Variants in TET1 observed in about 807,000 individuals in gnomAD.
The protein encoded by TET1 is tet methylcytosine dioxygenase 1.
TET1 carries 13 observed loss-of-function variants against 148.7 expected under a neutral mutation model. The observed-to-expected ratio is 0.09, with a 90% CI of 0.06 to 0.14. The LOEUF is 0.14. Among genes scored for constraint, TET1 ranks in the 10% least tolerant of loss-of-function variants. TET1 has a pLI of 1.00. For missense variants in TET1, 2,182 were observed against 2,553.8 expected (o/e 0.85, Z 3.14); for synonymous variants, 907 against 937.2 (o/e 0.97, Z 0.59).
At chr10:68,634,726 C>T (rs2054624935) in intron 3 of TET1, among the ~76,000 whole-genome samples, 2 of 152,092 alleles carry the variant, frequency 1.3e-5, no homozygotes, top group Non-Finnish European at 2.9e-5. Flanking sequence ...GTAGTAAATT[C>T]TCAGTACATA....
In TET1 at chr10:68,674,945, T is replaced by C. The variant is rs576599283; in HGVS notation, c.4824+1900T>C. ...CAATCTATCCTCTCCATGATGTCTT[T>C]GTTAGATAAGTTAAAATGCTGAAGA... On this transcript the variant is annotated intron_variant, in intron 8 of 11. Transcript: ENST00000373644. 407 of 373,010 alleles carry C rather than the reference T, an allele frequency of 1.1e-3. 2 individuals are homozygous for C. Among genetic ancestry groups the C allele is most frequent in the Non-Finnish European group, 1.6e-3 (328 of 198,986 alleles). The allele number at this position is 373,010 out of a possible 1,614,324, so 23.1% of individuals were successfully genotyped here. A position where few individuals can be genotyped will look rare whatever the true frequency, so the allele number is the denominator to read the frequency against.
intron 3 of TET1, among the ~76,000 whole-genome samples, chr10:68,626,365 C>T (rs1378367586): frequency 6.6e-6 from 1 of 151,436 alleles, no homozygotes; most frequent in Non-Finnish European, 1.5e-5. Flanking sequence ...TATTTGCTTG[C>T]TTGTTTGTTT....
At position 68,587,261 on chromosome 10, in the gene TET1, A is replaced by G. The variant is rs191746499; in HGVS notation, c.1914+13009A>G. Among the ~76,000 whole-genome samples the G allele has an allele frequency of 2.5e-3, 384 of 152,294 alleles. 2 individuals are homozygous for G. The highest frequency in any genetic ancestry group is 4.1e-3 in the Admixed American group (62 of 15,288). ...CACCATATTGTGGTGAGTTTTCTGT[A>G]AAAGTAGGATCAAGGGACGAGGAAG... On this transcript the variant is annotated intron_variant, in intron 2 of 11. Coordinates refer to ENST00000373644, the MANE Select transcript of TET1 (RefSeq NM_030625.3).
chr10:68,601,151 T>A (rs2054050408), intron 3 of TET1, 117 bp downstream of exon 3: 1 of 842,548 alleles, frequency 1.2e-6, no homozygotes, highest in Non-Finnish European at 1.8e-6. Context: ...TTTCAGTAGA[T>A]GGATGAATTT....
intron 8 of TET1, among the ~76,000 whole-genome samples, chr10:68,679,936 A>G (rs2055414180): frequency 6.6e-6 from 1 of 152,144 alleles, no homozygotes; most frequent in African/African-American, 2.4e-5. Context: ...AGCCTCCCAA[A>G]GTGCTGGGAT....
At chr10:68,618,961 T>TAGAATTA (rs1295732549) in intron 3 of TET1, among the ~76,000 whole-genome samples, 1 of 152,108 alleles carries the variant, frequency 6.6e-6, no homozygotes, top group Non-Finnish European at 1.5e-5. Context: ...AATTAGACCC[T>TAGAATTA]GTCTCTTAAA....
At chr10:68,674,787 A>G in intron 8 of TET1, 1 of 489,722 alleles carries the variant, frequency 2.0e-6, no homozygotes, top group Non-Finnish European at 3.9e-6. Context: ...TATGCTTAGC[A>G]CCAATGTTTC....
At chr10:68,622,555 C>G (rs1199697471) in intron 3 of TET1, among the ~76,000 whole-genome samples, 2 of 151,914 alleles carry the variant, frequency 1.3e-5, no homozygotes, top group African/African-American at 2.4e-5. Context: ...CATGAGCCAC[C>G]ACACCCGGCC....
At chr10:68,571,712 T>C (rs903255832) in intron 1 of TET1, among the ~76,000 whole-genome samples, 4 of 152,020 alleles carry the variant, frequency 2.6e-5, no homozygotes, top group Non-Finnish European at 5.9e-5. Flanking sequence ...TTTTTATGAG[T>C]TGGAGTCTGC....
chr10:68,666,969 A>C, intron 6 of TET1, 76 bp from the exon 7 acceptor site: 1 of 1,196,696 alleles, frequency 8.4e-7, no homozygotes, highest in Non-Finnish European at 1.2e-6. Context: ...ATCATGGAGA[A>C]CATCAAAAGG....
At position 68,586,548 on chromosome 10, in the gene TET1, T is replaced by C. The variant is rs188232414; in HGVS notation, c.1914+12296T>C. 3.9e-3 allele frequency among the ~76,000 whole-genome samples: 584 copies of C among 150,502 alleles called. 2 individuals carry two copies. The highest frequency in any genetic ancestry group is 0.013 in the African/African-American group (552 of 41,186). On this transcript the variant is annotated intron_variant, in intron 2 of 11. Transcript: ENST00000373644. ...TGTGATCTCACTATGTTGCCCAGGC[T>C]GGTCTTGAACTCCCGGCCTCAAGTG...
intron 8 of TET1, among the ~76,000 whole-genome samples, chr10:68,676,254 ATATATATATATATATTTTTTTTTTT>A (rs1302839858): frequency 1.1e-4 from 4 of 36,816 alleles, no homozygotes; most frequent in South Asian, 1.5e-3. Flanking sequence ...ATATATATAT[ATATATATATATATATTTTTTTTTTT>A]TTTTTTTTTT....
chr10:68,560,972 G>A (rs1338636015), intron 1 of TET1, among the ~76,000 whole-genome samples: 1 of 152,212 alleles, frequency 6.6e-6, no homozygotes, highest in South Asian at 2.1e-4. Flanking sequence ...CCCGGCCGGA[G>A]GTATCGGCCA....
chr10:68,673,938 T>TG (rs2055311967), intron 8 of TET1, among the ~76,000 whole-genome samples: 2 of 142,392 alleles, frequency 1.4e-5, no homozygotes, highest in African/African-American at 5.2e-5. Flanking sequence ...TCTTTTTCTT[T>TG]TTTTTTTTTC....
In TET1 at chr10:68,572,483, T is replaced by C. The variant is rs1444619768; in HGVS notation, c.145T>C (p.Leu49=). The C allele has an allele frequency of 1.2e-6, 2 of 1,613,546 alleles. No homozygotes were observed. The highest frequency in any genetic ancestry group is 1.7e-6 in the Non-Finnish European group (2 of 1,179,932). ...AGTCAAGACTTTAAGCCCTGGAAAA[T>C]TAAAGCAATTAATTCAAGAAAGAGA... The part of the protein sequence containing the change: ...ASVKTLSPGK[L]KQLIQERDVK... Residue 49 remains leucine (L), a synonymous_variant, in exon 2 of 12, where the codon TTA becomes CTA. Transcript: ENST00000373644.
intron 4 of TET1, among the ~76,000 whole-genome samples, chr10:68,647,243 G>A (rs2054864244): frequency 6.6e-6 from 1 of 152,162 alleles, no homozygotes; most frequent in African/African-American, 2.4e-5. Flanking sequence ...ACCCGCTCAA[G>A]TGGAAAAATA....
intron 8 of TET1, chr10:68,674,708 G>T: frequency 2.1e-6 from 1 of 479,208 alleles, no homozygotes. Context: ...GACTACCGGT[G>T]CTTACTTGCT....
intron 7 of TET1, among the ~76,000 whole-genome samples, chr10:68,670,012 C>T (rs2055251973): frequency 6.6e-6 from 1 of 152,280 alleles, no homozygotes; most frequent in East Asian, 1.9e-4. Flanking sequence ...TGTTTACGTA[C>T]ACATACAAAC....
At chr10:68,577,741 G>T (rs1564950918) in intron 2 of TET1, among the ~76,000 whole-genome samples, 2 of 152,164 alleles carry the variant, frequency 1.3e-5, no homozygotes, top group Admixed American at 6.5e-5. Flanking sequence ...CCTGGAGGGG[G>T]GCGTTGCAGT....
Sources: gnomAD v4.1 joint callset for allele counts (sites outside exome capture counted in the v4.1 genomes callset) on GRCh38, gnomAD v4.1.1 for gene constraint, MANE v1.5 for transcripts, NCBI Gene and HGNC (gene_info 2026-07-23, HGNC 2026-07-21) for gene names.